TEX9: variants seen among roughly 807,000 people sequenced by gnomAD.
The protein encoded by TEX9 is testis-expressed protein 9.
A neutral mutation model predicts 59.6 loss-of-function variants in TEX9; 74 were observed. The observed-to-expected ratio is 1.24, with a 90% CI of 1.03 to 1.51. The LOEUF is 1.51. Among genes scored for constraint, TEX9 ranks in the 40% most tolerant of loss-of-function variants. TEX9 has a pLI of 0.00. For synonymous variants in TEX9, 186 were observed against 152.2 expected, an observed-to-expected ratio of 1.22 and a Z score of -1.64; for missense variants, 522 against 447.8, an observed-to-expected ratio of 1.17 and a Z score of -1.49.
At chr15:56,286,745 A>G (rs1362800606) in intron 1 of TEX9, among the ~76,000 whole-genome samples, 1 of 152,220 alleles carries the variant, frequency 6.6e-6, no homozygotes. Flanking sequence ...GTTGAAATGT[A>G]GAAAAATAAA....
chr15:56,456,344 G>A, the TEX9 span: 3 of 1,535,680 alleles, frequency 2.0e-6, no homozygotes. Context: ...GATTACATAA[G>A]AGTTTAAAGA....
At chr15:56,387,165 A>G (rs1230211161) in intron 4 of TEX9, among the ~76,000 whole-genome samples, 5 of 151,946 alleles carry the variant, frequency 3.3e-5, no homozygotes, top group East Asian at 1.9e-4. Context: ...TAAGAATACC[A>G]TACTATAGCT....
chr15:56,332,775 C>T (rs2046178600), intron 1 of TEX9, among the ~76,000 whole-genome samples: 1 of 151,422 alleles, frequency 6.6e-6, no homozygotes, highest in Non-Finnish European at 1.5e-5. Flanking sequence ...AACCGTTAGC[C>T]AGAATAACTA....
intron 10 of TEX9, among the ~76,000 whole-genome samples, chr15:56,413,259 A>ATACTTAAATAATTTAATTTAT (rs1555445160): frequency 9.3e-6 from 1 of 107,632 alleles, no homozygotes; most frequent in African/African-American, 3.4e-5. Context: ...AATTTATTTA[A>ATACTTAAATAATTTAATTTAT]TTAAATAATT....
intron 1 of TEX9, among the ~76,000 whole-genome samples, chr15:56,336,267 A>G (rs1319119238): frequency 4.6e-5 from 7 of 152,054 alleles, no homozygotes; most frequent in Admixed American, 1.3e-4. Flanking sequence ...CCCACCCCCC[A>G]TTCATGTTAA....
chr15:56,427,082 C>G (rs1356544036), intron 10 of TEX9, among the ~76,000 whole-genome samples: 2 of 151,544 alleles, frequency 1.3e-5, no homozygotes, highest in African/African-American at 4.9e-5. Flanking sequence ...CAGCCCTGCT[C>G]TCTGACTCCT....
intron 1 of TEX9, among the ~76,000 whole-genome samples, chr15:56,290,785 CTT>C (rs568536742): frequency 6.9e-6 from 1 of 145,360 alleles, no homozygotes; most frequent in Non-Finnish European, 1.5e-5. Flanking sequence ...GGTTATTCTC[CTT>C]TTTTTTTTTT....
In TEX9 at chr15:56,434,422, T is replaced by C. The variant is rs1208241171; in HGVS notation, c.*29+5949T>C. The stretch of plus-strand genomic sequence containing the variant: ...TAAACAATACAGCTGAAAGTTAATT[T>C]AGTAACTATTTCCTTACACCAGATT... On this transcript the variant is annotated intron_variant, in intron 12 of 12. Coordinates refer to ENST00000352903, the Ensembl canonical transcript of TEX9. 1.9e-6 allele frequency: 3 copies of C among 1,585,494 alleles called. No homozygotes were observed. The African/African-American group carries it at 4.1e-5, about 21-fold the overall frequency.
intron 9 of TEX9, chr15:56,398,069 C>G (rs1034631683): frequency 6.6e-6 from 1 of 152,084 alleles, no homozygotes; most frequent in South Asian, 2.1e-4. Flanking sequence ...TTTGTTTCCC[C>G]ACTCATCTAG....
chr15:56,310,817 G>A (rs1421044263), intron 1 of TEX9, among the ~76,000 whole-genome samples: 1 of 152,196 alleles, frequency 6.6e-6, no homozygotes, highest in East Asian at 1.9e-4. Flanking sequence ...AACCCTTTCA[G>A]GAGTTCCAAT....
chr15:56,280,811 G>A (rs2044797730), intron 1 of TEX9, among the ~76,000 whole-genome samples: 1 of 152,138 alleles, frequency 6.6e-6, no homozygotes, highest in Non-Finnish European at 1.5e-5. Context: ...CTAAGACTGA[G>A]TATTAATTAG....
At chr15:56,457,091 A>G in the TEX9 span, among the ~76,000 whole-genome samples, 5 of 152,258 alleles carry the variant, frequency 3.3e-5, no homozygotes, top group African/African-American at 1.2e-4. Context: ...TCTAATTATT[A>G]TTTTTCTTAA....
At chr15:56,381,637 G>A (rs2047729878) in intron 3 of TEX9, among the ~76,000 whole-genome samples, 1 of 152,204 alleles carries the variant, frequency 6.6e-6, no homozygotes, top group South Asian at 2.1e-4. Context: ...TCTTGGATAA[G>A]ATCTGAAAGA....
At chr15:56,281,568 C>G (rs2044821293) in intron 1 of TEX9, among the ~76,000 whole-genome samples, 2 of 152,118 alleles carry the variant, frequency 1.3e-5, no homozygotes, top group African/African-American at 4.8e-5. Flanking sequence ...ACTCTTAAGT[C>G]CGTGGAAAAA....
rs184079655 is a variant in TEX9 at position 56,413,766 on chromosome 15, T to C, written c.963+1330T>C. Among the ~76,000 whole-genome samples, 23 of 151,950 alleles carry C rather than the reference T, an allele frequency of 1.5e-4. No homozygotes were observed. The East Asian group carries it at 4.1e-3, about 27-fold the overall frequency. Reference sequence around the variant, plus strand: ...ATAATGAAATTAGGAACCACCTTCATTATATACACAGATAATACATTTTGG... The same window carrying C: ...ATAATGAAATTAGGAACCACCTTCACTATATACACAGATAATACATTTTGG... On this transcript the variant is annotated intron_variant, in intron 10 of 12. Transcript: ENST00000352903.
At position 56,380,340 on chromosome 15, in the gene TEX9, CTTG is replaced by C. The variant is rs553760227; in HGVS notation, c.184-3606_184-3604del. 1.4e-3 allele frequency among the ~76,000 whole-genome samples: 214 copies of C among 152,230 alleles called. 1 individual carries two copies. The highest frequency in any genetic ancestry group is 4.7e-3 in the African/African-American group (196 of 41,556). On this transcript the variant is annotated intron_variant, in intron 3 of 12. Coordinates refer to ENST00000352903, the Ensembl canonical transcript of TEX9. ...TTACTTTTATCTCCCTAGTTTTTAA[CTTG>C]TTGTTACTGTTTCTGTCTTACTGTA...
chr15:56,321,949 T>C (rs1028972351), intron 1 of TEX9, among the ~76,000 whole-genome samples: 2 of 152,012 alleles, frequency 1.3e-5, no homozygotes, highest in African/African-American at 4.8e-5. Context: ...GTAAATTGGC[T>C]GCCTGAGGGA....
intron 1 of TEX9, among the ~76,000 whole-genome samples, chr15:56,282,819 T>C (rs1276748273): frequency 6.6e-6 from 1 of 152,138 alleles, no homozygotes; most frequent in Non-Finnish European, 1.5e-5. Flanking sequence ...AAATTCAATA[T>C]GCCTGTTAAT....
At chr15:56,429,101 T>A in intron 12 of TEX9, 1 of 1,577,388 alleles carries the variant, frequency 6.3e-7, no homozygotes, top group Non-Finnish European at 8.6e-7. Context: ...TTTGATGATA[T>A]CATTTCTCTT....
Sources: allele counts gnomAD v4.1 joint callset (sites outside exome capture counted in the v4.1 genomes callset), GRCh38; gene constraint gnomAD v4.1.1; transcripts MANE v1.5; gene names NCBI Gene and HGNC (gene_info 2026-07-23, HGNC 2026-07-21).